Variants in ARHGAP24 observed in about 807,000 individuals in gnomAD.
ARHGAP24 encodes rho GTPase-activating protein 24.
Under a neutral mutation model 76.4 loss-of-function variants are expected in ARHGAP24, and 50 were observed. That is an observed-to-expected ratio of 0.65 (90% CI 0.52 to 0.83). The LOEUF is 0.83. Ranked by LOEUF, ARHGAP24 falls within the 40% of genes least tolerant of loss-of-function variation. ARHGAP24 has a pLI of 0.00. For synonymous variants in ARHGAP24, 345 were observed against 323.3 expected, an observed-to-expected ratio of 1.07 and a Z score of -0.72; for missense variants, 930 against 914.2, an observed-to-expected ratio of 1.02 and a Z score of -0.22.
At chr4:85,678,478 AC>A in intron 2 of ARHGAP24, among the ~76,000 whole-genome samples, 1 of 152,342 alleles carries the variant, frequency 6.6e-6, no homozygotes, top group South Asian at 2.1e-4. Context: ...CATTTATAGT[AC>A]TTTCAAAAAG....
At chr4:85,519,993 C>A (rs17010314) in intron 1 of ARHGAP24, among the ~76,000 whole-genome samples, 16,800 of 151,996 alleles carry the variant, frequency 0.11, 2,976 homozygotes, top group African/African-American at 0.37. Flanking sequence ...TCTCACCTTT[C>A]GTGTTTACTT....
chr4:85,692,076 TC>T (rs543523725), intron 2 of ARHGAP24, among the ~76,000 whole-genome samples: 43 of 152,318 alleles, frequency 2.8e-4, no homozygotes, highest in African/African-American at 1.0e-3. Flanking sequence ...TATTTCTGCT[TC>T]CCTTATGAAG....
intron 3 of ARHGAP24, among the ~76,000 whole-genome samples, chr4:85,882,138 T>C (rs1733289833): frequency 1.4e-5 from 2 of 145,234 alleles, no homozygotes; most frequent in South Asian, 4.7e-4. Context: ...TTTCCAACTC[T>C]ATGGTTGGGT....
intron 3 of ARHGAP24, among the ~76,000 whole-genome samples, chr4:85,827,098 G>A (rs1214937353): frequency 2.6e-5 from 4 of 152,056 alleles, no homozygotes; most frequent in Admixed American, 2.6e-4. Flanking sequence ...GGCAAGAAAT[G>A]CCTTCTTGAA....
intron 3 of ARHGAP24, among the ~76,000 whole-genome samples, chr4:85,807,093 TTC>T (rs1172559801): frequency 6.6e-6 from 1 of 152,332 alleles, no homozygotes; most frequent in East Asian, 1.9e-4. Context: ...TATAATTTTT[TTC>T]TTTTTTAATT....
intron 3 of ARHGAP24, among the ~76,000 whole-genome samples, chr4:85,858,727 G>A (rs911623547): frequency 6.6e-6 from 1 of 152,092 alleles, no homozygotes; most frequent in African/African-American, 2.4e-5. Flanking sequence ...GAAAGGAAAA[G>A]GAGTGGATGC....
intron 7 of ARHGAP24, among the ~76,000 whole-genome samples, chr4:85,976,946 C>A (rs988182657): frequency 6.6e-6 from 1 of 152,002 alleles, no homozygotes; most frequent in African/African-American, 2.4e-5. Context: ...CCGCACCCAG[C>A]TCGTTTTTGT....
At chr4:85,851,309 T>C (rs1463987296) in intron 3 of ARHGAP24, among the ~76,000 whole-genome samples, 1 of 152,230 alleles carries the variant, frequency 6.6e-6, no homozygotes, top group East Asian at 1.9e-4. Context: ...TGGTAGATCT[T>C]CCTCTGTCCC....
At chr4:85,664,421 G>T (rs1465647162) in intron 2 of ARHGAP24, among the ~76,000 whole-genome samples, 1 of 150,990 alleles carries the variant, frequency 6.6e-6, no homozygotes, top group African/African-American at 2.5e-5. Flanking sequence ...TATTAGTCTT[G>T]CTAGCAGTCT....
chr4:85,608,562 T>G (rs1392092103), intron 2 of ARHGAP24, among the ~76,000 whole-genome samples: 1 of 136,780 alleles, frequency 7.3e-6, no homozygotes, highest in Non-Finnish European at 1.6e-5. Flanking sequence ...TTTTTTTTTT[T>G]TTTTTTTTTT....
At chr4:85,673,693 A>C (rs1171359342) in intron 2 of ARHGAP24, among the ~76,000 whole-genome samples, 2 of 144,622 alleles carry the variant, frequency 1.4e-5, no homozygotes, top group Non-Finnish European at 3.1e-5. Flanking sequence ...GGTAAAGTGA[A>C]ACACCAGTGG....
chr4:85,490,741 G>C (rs1723317681), intron 1 of ARHGAP24, among the ~76,000 whole-genome samples: 1 of 152,142 alleles, frequency 6.6e-6, no homozygotes, highest in East Asian at 1.9e-4. Context: ...AGCACTTTTT[G>C]TTTGTGGTGA....
intron 2 of ARHGAP24, among the ~76,000 whole-genome samples, chr4:85,665,629 G>A (rs1214284052): frequency 5.9e-5 from 9 of 152,250 alleles, no homozygotes; most frequent in Admixed American, 5.9e-4. Context: ...TTACAATTTG[G>A]CTTGATTTTG....
intron 3 of ARHGAP24, among the ~76,000 whole-genome samples, chr4:85,778,073 T>C (rs1727375983): frequency 6.6e-6 from 1 of 152,198 alleles, no homozygotes; most frequent in Non-Finnish European, 1.5e-5. Context: ...TCACTGATAC[T>C]AGGTAGAACA....
chr4:85,795,449 C>T (rs1728304300), intron 3 of ARHGAP24, among the ~76,000 whole-genome samples: 1 of 151,970 alleles, frequency 6.6e-6, no homozygotes, highest in South Asian at 2.1e-4. Context: ...ATTGATCTGA[C>T]TTTAGTGGCA....
In ARHGAP24 at chr4:85,995,058, T is replaced by C. The variant is rs1740571086; in HGVS notation, c.1404T>C (p.Ser468=). Reference sequence around the variant, plus strand: ...GAAGGAGCTCTTCACTGAAGGTATCTGGTACCAAAATGGGCACGCACAGTG... The same window carrying C: ...GAAGGAGCTCTTCACTGAAGGTATCCGGTACCAAAATGGGCACGCACAGTG... ...QARRSSSLKV[S]GTKMGTHSVQ... The change falls in exon 9 of 10, where the codon TCT becomes TCC. Residue 468 remains serine (S), a synonymous_variant. Transcript: ENST00000395184. 6.2e-7 allele frequency: 1 copy of C among 1,613,942 alleles called. No homozygotes were observed. The highest frequency in any genetic ancestry group is 8.5e-7 in the Non-Finnish European group (1 of 1,180,018).
At chr4:85,987,182 G>A (rs1462823544) in intron 8 of ARHGAP24, among the ~76,000 whole-genome samples, 2 of 152,028 alleles carry the variant, frequency 1.3e-5, no homozygotes, top group Non-Finnish European at 2.9e-5. Context: ...AATAAAAGGG[G>A]AAACTGTGTT....
At chr4:85,485,099 C>A (rs10005822) in intron 1 of ARHGAP24, among the ~76,000 whole-genome samples, 5,587 of 151,444 alleles carry the variant, frequency 0.037, 333 homozygotes, top group African/African-American at 0.12. Context: ...AAGCCCAGCA[C>A]TTTGTTGAGG....
chr4:85,942,839 A>G (rs10516764), intron 5 of ARHGAP24, among the ~76,000 whole-genome samples: 10,742 of 152,208 alleles, frequency 0.071, 1,309 homozygotes, highest in African/African-American at 0.25. Flanking sequence ...TAAAGAGTTA[A>G]TCTGGCTAAT....
Sources: allele counts gnomAD v4.1 joint callset (sites outside exome capture counted in the v4.1 genomes callset), GRCh38; gene constraint gnomAD v4.1.1; transcripts MANE v1.5; gene names NCBI Gene and HGNC (gene_info 2026-07-23, HGNC 2026-07-21).